Variants in DNAH17 observed in about 807,000 individuals in gnomAD.
DNAH17 encodes the protein dynein axonemal heavy chain 17, also known as axonemal beta dynein heavy chain 17.
DNAH17 carries 376 observed loss-of-function variants against 485.6 expected under a neutral mutation model. The ratio of observed to expected loss-of-function variants is 0.77; its 90% CI spans 0.71 to 0.84. The LOEUF (loss-of-function observed/expected upper bound fraction) is 0.84. Among genes scored for constraint, DNAH17 ranks in the 40% least tolerant of loss-of-function variants. DNAH17 has a pLI of 0.00. For synonymous variants in DNAH17, 3,031 were observed against 2,405.9 expected (o/e 1.26, Z -7.60); for missense variants, 6,370 against 5,839.3 (o/e 1.09, Z -2.96).
rs535750876 is a variant in DNAH17, at chr17:78,429,705, ACT to A, written c.12226-407_12226-406del. Among the ~76,000 whole-genome samples the A allele has an allele frequency of 9.2e-5, 14 of 151,882 alleles. 1 individual carries two copies. In the South Asian group the frequency reaches 2.7e-3, roughly 29 times the overall value. On this transcript the variant is annotated intron_variant, in intron 75 of 80. Transcript: ENST00000389840. ...CTCCCACTCTGTGTTACCATCTGAGACTCTGCCCTTCACGGTCCAATTTCAAC... is the reference window on the plus strand; with the variant it reads ...CTCCCACTCTGTGTTACCATCTGAGACTGCCCTTCACGGTCCAATTTCAAC...
chr17:78,573,849 A>G (rs1034830014), intron 2 of DNAH17, among the ~76,000 whole-genome samples: 2 of 152,120 alleles, frequency 1.3e-5, no homozygotes, highest in Non-Finnish European at 1.5e-5. Flanking sequence ...CGAAGCACAC[A>G]GGCCCCTGTA....
intron 65 of DNAH17, among the ~76,000 whole-genome samples, chr17:78,452,065 C>A (rs570303975): frequency 6.7e-6 from 1 of 149,042 alleles, no homozygotes; most frequent in African/African-American, 2.5e-5. Flanking sequence ...CTGTGGGGGG[C>A]GCTTCTCTCC....
chr17:78,434,732 CTG>C (rs1205063464), intron 74 of DNAH17, among the ~76,000 whole-genome samples: 2 of 152,136 alleles, frequency 1.3e-5, no homozygotes, highest in Non-Finnish European at 2.9e-5. Flanking sequence ...GAAGGGAAAA[CTG>C]AGCCTAAATT....
intron 58 of DNAH17, 128 bp from the exon 59 acceptor site, chr17:78,460,385 CATATATGTGCATGAGT>C: frequency 1.3e-6 from 1 of 755,016 alleles, no homozygotes; most frequent in Admixed American, 2.4e-5. Context: ...TGTATGTGTG[CATATATGTGCATGAGT>C]GTATGTGTGT....
At chr17:78,443,642 C>T (rs1327054776) in intron 71 of DNAH17, among the ~76,000 whole-genome samples, 4 of 152,312 alleles carry the variant, frequency 2.6e-5, no homozygotes, top group African/African-American at 7.2e-5. Flanking sequence ...CTCCACCTCC[C>T]GGGCTCAACC....
chr17:78,526,820 C>T (rs2091090547), intron 23 of DNAH17, 60 bp downstream of exon 23: 4 of 1,557,596 alleles, frequency 2.6e-6, no homozygotes, highest in East Asian at 2.3e-5. Context: ...TGCCGCAGGG[C>T]CCTGGGTGAG....
intron 25 of DNAH17, among the ~76,000 whole-genome samples, chr17:78,518,464 A>C (rs1328089074): frequency 2.6e-5 from 4 of 152,252 alleles, no homozygotes; most frequent in Admixed American, 2.6e-4. Context: ...CCAAATCTGT[A>C]CACACCAAGC....
intron 71 of DNAH17, among the ~76,000 whole-genome samples, chr17:78,442,797 T>TG (rs1476467378): frequency 9.2e-5 from 14 of 152,192 alleles, no homozygotes; most frequent in African/African-American, 3.4e-4. Flanking sequence ...GGGTTTGTGT[T>TG]GCGCACGTGG....
At chr17:78,492,585 C>A (rs985442970) in intron 42 of DNAH17, 48 bp downstream of exon 42, 5 of 1,605,456 alleles carry the variant, frequency 3.1e-6, no homozygotes, top group Middle Eastern at 1.7e-4. Context: ...GCTCACTGCA[C>A]TGGACCAGGA....
At position 78,570,238 on chromosome 17, in the gene DNAH17, G is replaced by A. The variant is rs776091541; in HGVS notation, c.1044+9C>T. ...GAGGAAGGGGACCCAGGGGCCAGGG[G>A]AGGGTTACCATCTCGATGATTTGGT... is the stretch of plus-strand genomic sequence containing the variant. On this transcript the variant is annotated intron_variant, in intron 7 of 80. Coordinates refer to ENST00000389840, the MANE Select transcript of DNAH17 (RefSeq NM_173628.4). 1.3e-6 allele frequency: 2 copies of A among 1,575,714 alleles called. No homozygotes were observed. Among genetic ancestry groups the A allele is most frequent in the Non-Finnish European group, 8.6e-7 (1 of 1,160,318 alleles).
rs751796074 is a variant in DNAH17 at position 78,454,622 on chromosome 17, GC to G, written c.10253del (p.Gly3418AlafsTer23). The G allele has an allele frequency of 1.2e-6, 2 of 1,613,032 alleles. No homozygotes were observed. Among genetic ancestry groups the G allele is most frequent in the Non-Finnish European group, 1.7e-6 (2 of 1,179,874 alleles). ...CGGTGGACATGCGGTCGCTGGGGAG[GC>G]CCTGGTTGTTCCAGGTGGCCACGTC... is the stretch of plus-strand genomic sequence containing the variant. ...DADVATWNNQGLPSDRMSTEN... is the reference protein window; with the variant it reads ...DADVATWNNQXLPSDRMSTEN... On this transcript the variant is annotated frameshift_variant, in exon 64 of 81. Transcript: ENST00000389840. LOFTEE classifies it high-confidence loss of function.
intron 44 of DNAH17, 68 bp downstream of exon 44, chr17:78,490,631 T>G: frequency 1.3e-6 from 2 of 1,524,724 alleles, no homozygotes; most frequent in Non-Finnish European, 1.8e-6. Context: ...TATGCAACTC[T>G]GAAACAGGCC....
rs1568196520 is a variant in DNAH17, at chr17:78,525,208, G to GCGCCC, written c.3712-48_3712-47insGGGCG. On this transcript the variant is annotated intron_variant, in intron 24 of 80. Coordinates refer to ENST00000389840, the MANE Select transcript of DNAH17 (RefSeq NM_173628.4). The stretch of plus-strand genomic sequence containing the variant: ...TCAGTAGGGCTACCTACCCTCAGCG[G>GCGCCC]TGCCCCACCCCACTCCCCGACGTTC... The GCGCCC allele has an allele frequency of 5.7e-6, 9 of 1,592,736 alleles. No individual in the cohort carries two copies. The Middle Eastern group carries it at 7.1e-4, about 125-fold the overall frequency.
At chr17:78,484,486 G>A (rs898239146) in intron 48 of DNAH17, among the ~76,000 whole-genome samples, 1 of 152,130 alleles carries the variant, frequency 6.6e-6, no homozygotes, top group East Asian at 1.9e-4. Context: ...TGCACTGGGG[G>A]TTTTCCTCAG....
In DNAH17 at chr17:78,509,764, G is replaced by A. The variant is rs369337165; in HGVS notation, c.4236+620C>T. On this transcript the variant is annotated intron_variant, in intron 27 of 80. Coordinates refer to ENST00000389840, the MANE Select transcript of DNAH17 (RefSeq NM_173628.4). ...ACTGACGTCCATGGAGGAGTCAGAC[G>A]GGACCACAGACAAAGACGCTTGAGG... Among the ~76,000 whole-genome samples, 286 of 152,098 alleles carry A rather than the reference G, an allele frequency of 1.9e-3. 2 individuals carry two copies. The highest frequency in any genetic ancestry group is 6.4e-3 in the African/African-American group (266 of 41,500).
intron 48 of DNAH17, chr17:78,484,636 A>G (rs1422045191): frequency 6.1e-6 from 2 of 328,498 alleles, no homozygotes; most frequent in African/African-American, 4.3e-5. Flanking sequence ...GATGGACGAA[A>G]CTGATAGAAC....
intron 7 of DNAH17, 31 bp downstream of exon 7, chr17:78,570,216 G>C (rs747636814): frequency 1.3e-6 from 2 of 1,558,048 alleles, no homozygotes; most frequent in Non-Finnish European, 1.7e-6. Context: ...AGGAGGGGAG[G>C]AAGGGGACCC....
chr17:78,487,371 A>G (rs779931341), intron 44 of DNAH17, among the ~76,000 whole-genome samples: 1 of 152,228 alleles, frequency 6.6e-6, no homozygotes, highest in Non-Finnish European at 1.5e-5. Context: ...TTGCCAAATC[A>G]GCATCTGCTG....
intron 10 of DNAH17, 127 bp from the exon 11 acceptor site, chr17:78,566,857 C>T: frequency 7.7e-7 from 1 of 1,295,580 alleles, no homozygotes; most frequent in Non-Finnish European, 1.1e-6. Context: ...GTTGCGGGGA[C>T]CGCTCTACAC....
Sources: allele counts gnomAD v4.1 joint callset (sites outside exome capture counted in the v4.1 genomes callset), GRCh38; gene constraint gnomAD v4.1.1; transcripts MANE v1.5; gene names NCBI Gene and HGNC (gene_info 2026-07-23, HGNC 2026-07-21).